SMOC1: variants seen among roughly 807,000 people sequenced by gnomAD.
The protein encoded by SMOC1 is SPARC related modular calcium binding 1, also known as SPARC-related modular calcium-binding protein 1.
Under a neutral mutation model 56.3 loss-of-function variants are expected in SMOC1, and 22 were observed. The observed-to-expected ratio is 0.39, with a 90% CI of 0.28 to 0.56. The LOEUF (loss-of-function observed/expected upper bound fraction) is 0.56, where lower values mean the gene tolerates loss of function less well. SMOC1 is among the 20% of genes least tolerant of loss of function. The pLI is 0.61. For missense variants in SMOC1, 509 were observed against 565.4 expected (o/e 0.90, Z 1.01); for synonymous variants, 193 against 215.0 (o/e 0.90, Z 0.89).
chr14:69,952,082 C>A (rs1371616613), intron 1 of SMOC1, 56 bp from the exon 2 acceptor site: 7 of 1,587,494 alleles, frequency 4.4e-6, no homozygotes, highest in African/African-American at 4.0e-5. Context: ...CATGGACTCG[C>A]CCCTACTTTT....
chr14:69,944,167 C>T (rs1445172632), intron 1 of SMOC1, among the ~76,000 whole-genome samples: 1 of 152,142 alleles, frequency 6.6e-6, no homozygotes, highest in Non-Finnish European at 1.5e-5. Flanking sequence ...GGTGGAGGGG[C>T]ATGGACAAGC....
At chr14:70,013,647 G>A (rs1050058049) in intron 10 of SMOC1, among the ~76,000 whole-genome samples, 156 bp downstream of exon 10, 23 of 152,138 alleles carry the variant, frequency 1.5e-4, no homozygotes, top group Admixed American at 2.0e-4. Context: ...GCTTTGACCC[G>A]CCTTCTGTCA....
intron 8 of SMOC1, 68 bp downstream of exon 8, chr14:70,011,014 A>C (rs1885316821): frequency 1.9e-6 from 3 of 1,574,790 alleles, no homozygotes; most frequent in Non-Finnish European, 2.6e-6. Context: ...GGCATCTCCC[A>C]GTGTTCCTGC....
intron 1 of SMOC1, among the ~76,000 whole-genome samples, chr14:69,939,318 C>T (rs1048295188): frequency 3.3e-5 from 5 of 152,138 alleles, no homozygotes; most frequent in Admixed American, 2.6e-4. Context: ...CAGGGAACTG[C>T]CCTTTATAAA....
At chr14:69,896,286 A>T (rs1253042160) in intron 1 of SMOC1, among the ~76,000 whole-genome samples, 1 of 152,226 alleles carries the variant, frequency 6.6e-6, no homozygotes, top group Non-Finnish European at 1.5e-5. Context: ...AGGGCAGTGT[A>T]GCATAGTGGC....
chr14:69,952,130 C>T lies in SMOC1; in HGVS notation c.100-8C>T. 2 of 1,614,038 alleles carry T rather than the reference C, an allele frequency of 1.2e-6. No individual in the cohort carries two copies. The highest frequency in any genetic ancestry group is 1.7e-6 in the Non-Finnish European group (2 of 1,179,972). ...ACCTCTGTACCCTTTCACTTTTTTC[C>T]AACCTAGTTTCTAATAAGTGACCGT... On this transcript the variant is annotated splice_region_variant and splice_polypyrimidine_tract_variant and intron_variant, in intron 1 of 11. Coordinates refer to ENST00000361956, the MANE Select transcript of SMOC1 (RefSeq NM_001034852.3).
At chr14:69,917,088 A>G (rs1161480426) in intron 1 of SMOC1, among the ~76,000 whole-genome samples, 1 of 152,230 alleles carries the variant, frequency 6.6e-6, no homozygotes, top group Non-Finnish European at 1.5e-5. Context: ...TAGGACAGAT[A>G]ATGATATTTG....
chr14:69,888,658 T>C (rs1231945449), intron 1 of SMOC1, among the ~76,000 whole-genome samples: 1 of 143,340 alleles, frequency 7.0e-6, no homozygotes, highest in African/African-American at 2.5e-5. Flanking sequence ...TTCTATAAGA[T>C]AAGGGCTGAA....
chr14:69,939,833 T>C (rs170567), intron 1 of SMOC1, among the ~76,000 whole-genome samples: 73,989 of 152,078 alleles, frequency 0.49, 18,389 homozygotes, highest in African/African-American at 0.57. Flanking sequence ...TATAATTTCC[T>C]CTTTGCCCAA....
Position 69,879,727 on chromosome 14 carries a change from G to C in SMOC1, c.49G>C (p.Val17Leu). 6.3e-7 allele frequency: 1 copy of C among 1,591,698 alleles called. No individual in the cohort carries two copies. Among genetic ancestry groups the C allele is most frequent in the Non-Finnish European group, 8.5e-7 (1 of 1,176,234 alleles). The stretch of plus-strand genomic sequence containing the variant: ...CCTGCTCACGCCCCACTTGCTGCTG[G>C]TGTTGGTGCAGCTGTCCCCTGCTCG... ...ARLLTPHLLL[V>L]LVQLSPARGH... Residue 17 changes from valine (V) to leucine (L), a missense_variant, in exon 1 of 12, where the codon GTG becomes CTG. Physicochemically the swap from Val to Leu is conservative, Grantham distance 32. Around this residue, in one of 3 missense-constraint regions of SMOC1, gnomAD observed 315 missense variants for 333.1 expected, o/e 0.95. Coordinates refer to ENST00000361956, the MANE Select transcript of SMOC1 (RefSeq NM_001034852.3).
intron 7 of SMOC1, among the ~76,000 whole-genome samples, chr14:70,004,764 C>T (rs1325703982): frequency 6.6e-6 from 1 of 152,094 alleles, no homozygotes; most frequent in Non-Finnish European, 1.5e-5. Flanking sequence ...CTGTGCTAGC[C>T]CTTCCAAAAC....
intron 4 of SMOC1, among the ~76,000 whole-genome samples, chr14:69,976,596 T>C (rs1388052500): frequency 1.3e-5 from 2 of 152,174 alleles, no homozygotes; most frequent in Non-Finnish European, 2.9e-5. Context: ...TTCATGGGAT[T>C]GTGGATTAGG....
intron 7 of SMOC1, among the ~76,000 whole-genome samples, 185 bp downstream of exon 7, chr14:69,994,665 A>G (rs1336981765): frequency 6.6e-6 from 1 of 152,208 alleles, no homozygotes; most frequent in Non-Finnish European, 1.5e-5. Flanking sequence ...TTCAATTATC[A>G]TCTCAGAGAT....
chr14:69,979,476 C>A (rs1884096376), intron 5 of SMOC1, among the ~76,000 whole-genome samples: 1 of 152,096 alleles, frequency 6.6e-6, no homozygotes, highest in African/African-American at 2.4e-5. Flanking sequence ...GTGGGTGGTT[C>A]CCTCCTAGGT....
chr14:69,884,008 G>A (rs959880800), intron 1 of SMOC1, among the ~76,000 whole-genome samples: 129 of 139,942 alleles, frequency 9.2e-4, no homozygotes, highest in African/African-American at 3.1e-3. Context: ...CCGGGTTCAC[G>A]CCATTCTCCT....
chr14:69,963,237 G>C (rs1199493779), intron 3 of SMOC1, among the ~76,000 whole-genome samples: 2 of 152,134 alleles, frequency 1.3e-5, no homozygotes, highest in Non-Finnish European at 2.9e-5. Flanking sequence ...CATCTAGTAG[G>C]GGGAATGCAC....
intron 1 of SMOC1, among the ~76,000 whole-genome samples, chr14:69,914,438 G>C (rs890549093): frequency 2.6e-5 from 4 of 152,206 alleles, no homozygotes; most frequent in African/African-American, 4.8e-5. Flanking sequence ...CCCCACAGTA[G>C]TTTGCAGACC....
intron 3 of SMOC1, among the ~76,000 whole-genome samples, chr14:69,968,114 A>G (rs1301826255): frequency 6.6e-6 from 1 of 152,246 alleles, no homozygotes; most frequent in Non-Finnish European, 1.5e-5. Context: ...AAATAGGGTC[A>G]CAAGGCCCCT....
At chr14:69,909,120 A>G (rs1394482866) in intron 1 of SMOC1, among the ~76,000 whole-genome samples, 1 of 152,132 alleles carries the variant, frequency 6.6e-6, no homozygotes, top group East Asian at 1.9e-4. Context: ...ATACCGAAAG[A>G]ACTCAGAAGA....
Sources: allele counts gnomAD v4.1 joint callset (sites outside exome capture counted in the v4.1 genomes callset), GRCh38; gene constraint gnomAD v4.1.1; regional missense constraint gnomAD v4.1.1; transcripts MANE v1.5; gene names NCBI Gene and HGNC (gene_info 2026-07-23, HGNC 2026-07-21).